Variants in GRM3 observed in about 807,000 individuals in gnomAD.
GRM3 encodes metabotropic glutamate receptor 3.
In GRM3, 26 loss-of-function variants were observed where a neutral mutation model predicts 70.5. That is an observed-to-expected ratio of 0.37 (90% CI 0.27 to 0.51). GRM3 has a LOEUF of 0.51. Ranked by LOEUF, GRM3 falls within the 20% of genes least tolerant of loss-of-function variation. The pLI is 0.93. For synonymous variants in GRM3, 443 were observed against 434.9 expected, an observed-to-expected ratio of 1.02 and a Z score of -0.23; for missense variants, 859 against 1,123.8, an observed-to-expected ratio of 0.76 and a Z score of 3.37.
chr7:86,664,892 G>T (rs1219089283), intron 1 of GRM3, among the ~76,000 whole-genome samples: 1 of 151,986 alleles, frequency 6.6e-6, no homozygotes, highest in East Asian at 1.9e-4. Context: ...CCTTAAACTT[G>T]GGAAGTTCTG....
intron 1 of GRM3, among the ~76,000 whole-genome samples, chr7:86,668,823 T>C (rs1268460770): frequency 1.3e-5 from 2 of 152,074 alleles, no homozygotes; most frequent in Non-Finnish European, 2.9e-5. Flanking sequence ...GATCATCAGG[T>C]GGTGATTTTA....
Position 86,770,695 on chromosome 7 carries a change from G to C in GRM3, c.468+5082G>C, listed in dbSNP as rs77068587. ...TTCCTCCTTTAAATTCAAATGTTTTGAGGAAAAGTCACACATTAATTGCCA... is the reference window on the plus strand; with the variant it reads ...TTCCTCCTTTAAATTCAAATGTTTTCAGGAAAAGTCACACATTAATTGCCA... On this transcript the variant is annotated intron_variant, in intron 2 of 5. Coordinates refer to ENST00000361669, the MANE Select transcript of GRM3 (RefSeq NM_000840.3). Among the ~76,000 whole-genome samples the C allele has an allele frequency of 8.6e-3, 1,312 of 152,130 alleles. 15 individuals carry two copies. The highest frequency in any genetic ancestry group is 0.03 in the African/African-American group (1,251 of 41,522).
In GRM3 at chr7:86,839,776, C is replaced by T. The variant is rs368293077; in HGVS notation, c.2262C>T (p.Tyr754=). The change falls in exon 4 of 6, where the codon TAC becomes TAT. Residue 754 remains tyrosine, a synonymous_variant. Transcript: ENST00000361669. This position sits in a 1 kb window ranked among gnomAD's most constrained non-coding sequence, Gnocchi z 4.5. ...DVILVILCTV[Y]AFKTRKCPEN... Reference sequence around the variant, plus strand: ...TCCTGGTGATCTTATGCACTGTGTACGCCTTCAAAACGCGGAAGTGCCCAG... The same window carrying T: ...TCCTGGTGATCTTATGCACTGTGTATGCCTTCAAAACGCGGAAGTGCCCAG... The T allele has an allele frequency of 1.0e-4, 167 of 1,613,826 alleles. No individual in the cohort carries two copies. The highest frequency in any genetic ancestry group is 2.7e-4 in the Admixed American group (16 of 60,018).
Position 86,740,163 on chromosome 7 carries a change from T to G in GRM3, c.-140-24843T>G, listed in dbSNP as rs180798028. ...GGAAGAACAGCAAACCAAATGTAAATGAGAACATTTACTAAATGGAAAAAA... is the reference window on the plus strand; with the variant it reads ...GGAAGAACAGCAAACCAAATGTAAAGGAGAACATTTACTAAATGGAAAAAA... On this transcript the variant is annotated intron_variant, in intron 1 of 5. Coordinates refer to ENST00000361669, the MANE Select transcript of GRM3 (RefSeq NM_000840.3). 8.4e-3 allele frequency among the ~76,000 whole-genome samples: 1,271 copies of G among 151,994 alleles called. 9 individuals carry two copies. Among genetic ancestry groups the G allele is most frequent in the Non-Finnish European group, 0.013 (870 of 67,950 alleles).
intron 3 of GRM3, among the ~76,000 whole-genome samples, chr7:86,796,932 G>A (rs748070847): frequency 7.2e-5 from 11 of 152,108 alleles, no homozygotes; most frequent in Non-Finnish European, 1.5e-4. Flanking sequence ...TTTATAAAAG[G>A]GCAGATCCCC....
chr7:86,683,511 T>G (rs927956914), intron 1 of GRM3, among the ~76,000 whole-genome samples: 16 of 152,100 alleles, frequency 1.1e-4, no homozygotes, highest in African/African-American at 3.9e-4. Context: ...AGGTCCTATG[T>G]GAGAGGCAGA....
intron 1 of GRM3, among the ~76,000 whole-genome samples, chr7:86,697,947 G>A (rs1794856596): frequency 6.6e-6 from 1 of 151,890 alleles, no homozygotes; most frequent in Non-Finnish European, 1.5e-5. Flanking sequence ...AAATCCTATG[G>A]GGTAATATTT....
chr7:86,698,975 G>A (rs1156719081), intron 1 of GRM3, among the ~76,000 whole-genome samples: 1 of 152,008 alleles, frequency 6.6e-6, no homozygotes, highest in Non-Finnish European at 1.5e-5. Context: ...ATACTCCAGA[G>A]GCTATACTCC....
rs570141945 is a variant in GRM3 at position 86,858,164 on chromosome 7, G to A, written c.2567-6118G>A. 7.9e-5 allele frequency among the ~76,000 whole-genome samples: 12 copies of A among 152,020 alleles called. No homozygotes were observed. The East Asian group carries it at 2.3e-3, about 29-fold the overall frequency. On this transcript the variant is annotated intron_variant, in intron 5 of 5. Coordinates refer to ENST00000361669, the MANE Select transcript of GRM3 (RefSeq NM_000840.3). The stretch of plus-strand genomic sequence containing the variant: ...GTAGAGACGAGGTTTCACCATGTTA[G>A]CCAGGATGGTCTTGATCTCCTGACC...
At chr7:86,765,940 C>T (rs1796590679) in intron 2 of GRM3, among the ~76,000 whole-genome samples, 1 of 152,112 alleles carries the variant, frequency 6.6e-6, no homozygotes, top group South Asian at 2.1e-4. Context: ...TCACTGGGGG[C>T]AGCTCTGCTC....
intron 1 of GRM3, among the ~76,000 whole-genome samples, chr7:86,649,068 G>T (rs1278744089): frequency 6.6e-6 from 1 of 152,140 alleles, no homozygotes; most frequent in African/African-American, 2.4e-5. Context: ...ACGTGGATTA[G>T]GTTAAGAAAT....
intron 1 of GRM3, among the ~76,000 whole-genome samples, chr7:86,667,483 C>T (rs376514611): frequency 1.3e-5 from 2 of 152,020 alleles, no homozygotes; most frequent in East Asian, 3.9e-4. Flanking sequence ...CTAAGCAAAG[C>T]TTTTACTCAT....
At chr7:86,856,721 G>A (rs1296948288) in intron 5 of GRM3, among the ~76,000 whole-genome samples, 1 of 152,144 alleles carries the variant, frequency 6.6e-6, no homozygotes, top group Non-Finnish European at 1.5e-5. Context: ...ACATGTATTA[G>A]AGAATTGATG....
chr7:86,809,806 G>A (rs1192143671), intron 3 of GRM3, among the ~76,000 whole-genome samples: 1 of 151,968 alleles, frequency 6.6e-6, no homozygotes, highest in African/African-American at 2.4e-5. Context: ...GCTGTCACAG[G>A]AGTATTAGGG....
At chr7:86,666,082 C>T (rs2115871111) in intron 1 of GRM3, among the ~76,000 whole-genome samples, 1 of 152,068 alleles carries the variant, frequency 6.6e-6, no homozygotes, top group South Asian at 2.1e-4. Context: ...ATTACAGGAG[C>T]AAGTTGAAAT....
At chr7:86,823,685 C>T (rs1268057781) in intron 3 of GRM3, among the ~76,000 whole-genome samples, 1 of 147,456 alleles carries the variant, frequency 6.8e-6, no homozygotes, top group South Asian at 2.1e-4. Context: ...TTTCTTTTCC[C>T]GGGTTCTAAA....
At chr7:86,720,697 A>C (rs1210942350) in intron 1 of GRM3, among the ~76,000 whole-genome samples, 1 of 152,082 alleles carries the variant, frequency 6.6e-6, no homozygotes, top group Non-Finnish European at 1.5e-5. Context: ...ATCAAGGTAA[A>C]TCAAATATGA....
At chr7:86,656,148 C>T (rs996702375) in intron 1 of GRM3, among the ~76,000 whole-genome samples, 1 of 151,906 alleles carries the variant, frequency 6.6e-6, no homozygotes, top group Non-Finnish European at 1.5e-5. Flanking sequence ...AATCTCTCTT[C>T]TTCACTTCTC....
At chr7:86,775,236 A>C (rs1796855919) in intron 2 of GRM3, 1 of 152,102 alleles carries the variant, frequency 6.6e-6, no homozygotes, top group African/African-American at 2.4e-5. Flanking sequence ...ATTATTATTT[A>C]TGACCTGCTT....
Sources: gnomAD v4.1 joint callset for allele counts (sites outside exome capture counted in the v4.1 genomes callset) on GRCh38, gnomAD v4.1.1 for gene constraint, Gnocchi (gnomAD v3.1) non-coding constraint, MANE v1.5 for transcripts, NCBI Gene and HGNC (gene_info 2026-07-23, HGNC 2026-07-21) for gene names.